The following CHRM3 variants were observed in gnomAD, a reference collection of about 807,000 sequenced individuals.
The protein encoded by CHRM3 is cholinergic receptor muscarinic 3.
Under a neutral mutation model 41.8 loss-of-function variants are expected in CHRM3, and 11 were observed. The observed-to-expected ratio is 0.26, with a 90% CI of 0.17 to 0.44. CHRM3 has a LOEUF of 0.44. CHRM3 is among the 20% of genes least tolerant of loss of function. The pLI is 1.00. For missense variants in CHRM3, 571 were observed against 745.4 expected (o/e 0.77, Z 2.72); for synonymous variants, 297 against 301.4 (o/e 0.99, Z 0.15).
intron 1 of CHRM3, among the ~76,000 whole-genome samples, chr1:239,465,812 G>A (rs933423776): frequency 3.3e-5 from 5 of 151,882 alleles, no homozygotes; most frequent in African/African-American, 1.2e-4. Context: ...TTCAGTAAAC[G>A]TAGTACCAAG....
chr1:239,861,970 A>G (rs1448981772), intron 6 of CHRM3, among the ~76,000 whole-genome samples: 2 of 152,198 alleles, frequency 1.3e-5, no homozygotes, highest in Non-Finnish European at 2.9e-5. Flanking sequence ...CTGTCTGTGC[A>G]GTTTGTACTA....
chr1:239,651,012 C>A (rs1326860250), intron 4 of CHRM3, among the ~76,000 whole-genome samples: 3 of 151,950 alleles, frequency 2.0e-5, no homozygotes, highest in Admixed American at 6.6e-5. Flanking sequence ...GTTTTGATTT[C>A]TGAATGGAAT....
intron 4 of CHRM3, among the ~76,000 whole-genome samples, chr1:239,656,110 G>C (rs796408933): frequency 5.3e-5 from 8 of 152,152 alleles, no homozygotes; most frequent in African/African-American, 1.9e-4. Flanking sequence ...GGGTACAAAT[G>C]GGCACAAAGA....
intron 4 of CHRM3, among the ~76,000 whole-genome samples, chr1:239,641,218 G>T (rs1191361349): frequency 2.0e-5 from 3 of 152,120 alleles, no homozygotes; most frequent in Non-Finnish European, 2.9e-5. Flanking sequence ...GTGTGGTGCG[G>T]TGCTGAAAAA....
At chr1:239,484,594 G>T (rs1366009753) in intron 1 of CHRM3, among the ~76,000 whole-genome samples, 2 of 152,184 alleles carry the variant, frequency 1.3e-5, no homozygotes, top group Non-Finnish European at 2.9e-5. Context: ...AGCTACTCAG[G>T]AGGTTAAGGT....
intron 2 of CHRM3, among the ~76,000 whole-genome samples, chr1:239,532,353 C>T (rs571740844): frequency 4.8e-5 from 7 of 146,678 alleles, no homozygotes; most frequent in Admixed American, 1.3e-4. Context: ...GTTGGCCAGG[C>T]GCAGTGGCTC....
intron 5 of CHRM3, among the ~76,000 whole-genome samples, chr1:239,820,935 C>T (rs955815087): frequency 6.6e-6 from 1 of 152,132 alleles, no homozygotes; most frequent in African/African-American, 2.4e-5. Flanking sequence ...ACTAGGGGCT[C>T]ACACAATATG....
At position 239,899,342 on chromosome 1, in the gene CHRM3, A is replaced by AGT. The variant is rs541328641; in HGVS notation, c.-19-8082_-19-8081dup. Among the ~76,000 whole-genome samples, 561 of 145,904 alleles carry AGT rather than the reference A, an allele frequency of 3.8e-3. 6 individuals are homozygous for AGT. Among genetic ancestry groups the AGT allele is most frequent in the African/African-American group, 0.014 (544 of 38,986 alleles). ...ACACGCATATATATCTATTGAATTT[A>AGT]GTGTGTGTGTATATATACATAAATA... On this transcript the variant is annotated intron_variant, in intron 6 of 6. Transcript: ENST00000676153.
At chr1:239,756,255 C>G (rs903980131) in intron 5 of CHRM3, among the ~76,000 whole-genome samples, 5 of 152,166 alleles carry the variant, frequency 3.3e-5, no homozygotes, top group African/African-American at 1.2e-4. Context: ...TCATTGACTT[C>G]TCAACACTCA....
At chr1:239,764,871 A>T (rs1333263565) in intron 5 of CHRM3, among the ~76,000 whole-genome samples, 1 of 152,196 alleles carries the variant, frequency 6.6e-6, no homozygotes, top group Non-Finnish European at 1.5e-5. Context: ...TGAGCCAGAA[A>T]TTGCCTTTTG....
rs145461142 is a variant in CHRM3 at position 239,472,585 on chromosome 1, T to C, written c.-520-20124T>C. ...GATAACAACTTTGCAGGGACATGAA[T>C]GGAGCTAGAAGCCATTGTCCTCAGC... On this transcript the variant is annotated intron_variant, in intron 1 of 6. Transcript: ENST00000676153. Among the ~76,000 whole-genome samples, 1,436 of 152,248 alleles carry C rather than the reference T, an allele frequency of 9.4e-3. 29 individuals are homozygous for C. The highest frequency in any genetic ancestry group is 0.033 in the African/African-American group (1,381 of 41,526).
At chr1:239,455,704 C>T (rs61834714) in intron 1 of CHRM3, among the ~76,000 whole-genome samples, 4,824 of 152,086 alleles carry the variant, frequency 0.032, 101 homozygotes, top group South Asian at 0.055. Context: ...AGTGATATTA[C>T]GTTTGAGTCA....
chr1:239,887,148 T>C (rs1247362528), intron 6 of CHRM3, among the ~76,000 whole-genome samples: 1 of 152,122 alleles, frequency 6.6e-6, no homozygotes, highest in Non-Finnish European at 1.5e-5. Flanking sequence ...TTCTCCTTTT[T>C]TGAATGTGAT....
At chr1:239,838,654 G>T (rs1452521746) in intron 6 of CHRM3, among the ~76,000 whole-genome samples, 1 of 152,146 alleles carries the variant, frequency 6.6e-6, no homozygotes, top group Non-Finnish European at 1.5e-5. Flanking sequence ...CACAAAGCTG[G>T]TTAGTGATAA....
chr1:239,787,047 A>T (rs755296600), intron 5 of CHRM3, among the ~76,000 whole-genome samples: 7 of 152,224 alleles, frequency 4.6e-5, no homozygotes, highest in Non-Finnish European at 8.8e-5. Flanking sequence ...GTGGGTGATT[A>T]TAATAAACCA....
chr1:239,863,318 C>T (rs74149253), intron 6 of CHRM3, among the ~76,000 whole-genome samples: 6,252 of 152,232 alleles, frequency 0.041, 437 homozygotes, highest in African/African-American at 0.14. Context: ...CCAGAGTTTC[C>T]AAGGACTCTG....
chr1:239,686,893 AG>A (rs1047845016), intron 5 of CHRM3, among the ~76,000 whole-genome samples: 10 of 152,198 alleles, frequency 6.6e-5, no homozygotes, highest in African/African-American at 2.4e-4. Context: ...GTTCAAATAG[AG>A]AAAAATGTAA....
intron 6 of CHRM3, among the ~76,000 whole-genome samples, chr1:239,832,206 A>T (rs1011825291): frequency 6.6e-6 from 1 of 151,692 alleles, no homozygotes; most frequent in Non-Finnish European, 1.5e-5. Flanking sequence ...ATGCTTTTTC[A>T]TGGGTTCGTG....
intron 3 of CHRM3, among the ~76,000 whole-genome samples, chr1:239,579,245 G>T (rs962330315): frequency 1.3e-5 from 2 of 152,118 alleles, no homozygotes; most frequent in African/African-American, 4.8e-5. Context: ...AAATAATAAA[G>T]TTAGTTTGAC....
Sources: allele counts gnomAD v4.1 joint callset (sites outside exome capture counted in the v4.1 genomes callset), GRCh38; gene constraint gnomAD v4.1.1; transcripts MANE v1.5; gene names NCBI Gene and HGNC (gene_info 2026-07-23, HGNC 2026-07-21).